Variants in MROH9 observed in about 807,000 individuals in gnomAD.
MROH9 encodes maestro heat-like repeat-containing protein family member 9.
Under a neutral mutation model 98.2 loss-of-function variants are expected in MROH9, and 92 were observed. The observed-to-expected ratio is 0.94, with a 90% CI of 0.79 to 1.11. The LOEUF (loss-of-function observed/expected upper bound fraction) is 1.11. Among genes scored for constraint, MROH9 ranks in the 50% most tolerant of loss-of-function variants. The probability of loss-of-function intolerance (pLI) is 0.00; values close to 1 mark genes in which losing one functional copy is unlikely to be tolerated. For synonymous variants in MROH9, 397 were observed against 368.9 expected (o/e 1.08, Z -0.87); for missense variants, 1,057 against 1,014.8 (o/e 1.04, Z -0.57).
chr1:170,951,751 C>T (rs1649560667), intron 3 of MROH9, among the ~76,000 whole-genome samples: 1 of 151,978 alleles, frequency 6.6e-6, no homozygotes, highest in Non-Finnish European at 1.5e-5. Context: ...TAGCACAGTC[C>T]CAGCTGCTAA....
chr1:170,991,649 C>T (rs908893694), intron 11 of MROH9, among the ~76,000 whole-genome samples: 2 of 152,144 alleles, frequency 1.3e-5, no homozygotes, highest in Non-Finnish European at 2.9e-5. Flanking sequence ...ATCTGTGTCA[C>T]TCATTGTGTG....
At chr1:170,940,170 A>G (rs1050703828) in intron 1 of MROH9, among the ~76,000 whole-genome samples, 3 of 152,200 alleles carry the variant, frequency 2.0e-5, no homozygotes, top group Non-Finnish European at 4.4e-5. Flanking sequence ...TTTAGGAGGT[A>G]CCAGATGCAA....
intron 7 of MROH9, among the ~76,000 whole-genome samples, chr1:170,966,524 A>G (rs544036105): frequency 3.3e-5 from 5 of 152,174 alleles, no homozygotes; most frequent in African/African-American, 1.2e-4. Context: ...ATCTTTATCC[A>G]TTTTCTACTG....
At chr1:170,971,242 G>A (rs1650445675) in intron 7 of MROH9, among the ~76,000 whole-genome samples, 1 of 152,124 alleles carries the variant, frequency 6.6e-6, no homozygotes, top group Admixed American at 6.6e-5. Flanking sequence ...CAAATGATCT[G>A]CATTTTAAAA....
intron 17 of MROH9, 67 bp downstream of exon 17, chr1:171,016,403 C>T: frequency 8.1e-7 from 1 of 1,234,992 alleles, no homozygotes; most frequent in Non-Finnish European, 1.1e-6. Context: ...CAAGTTGAGG[C>T]AGTGATGTTA....
chr1:171,000,381 T>C (rs1183956690), intron 15 of MROH9, among the ~76,000 whole-genome samples: 1 of 152,148 alleles, frequency 6.6e-6, no homozygotes, highest in South Asian at 2.1e-4. Flanking sequence ...GGGTTTTTCA[T>C]AGATGGCTTT....
intron 10 of MROH9, among the ~76,000 whole-genome samples, chr1:170,988,513 C>G: frequency 6.6e-6 from 1 of 152,248 alleles, no homozygotes; most frequent in Non-Finnish European, 1.5e-5. Flanking sequence ...AGAGACCAAA[C>G]AGAAAACTAG....
intron 1 of MROH9, among the ~76,000 whole-genome samples, chr1:170,937,364 A>G (rs1650485540): frequency 6.6e-6 from 1 of 152,180 alleles, no homozygotes; most frequent in African/African-American, 2.4e-5. Context: ...AAGTCATTGC[A>G]TTTTGTATTA....
chr1:171,005,569 C>T (rs1240283299), intron 15 of MROH9, among the ~76,000 whole-genome samples: 1 of 151,974 alleles, frequency 6.6e-6, no homozygotes, highest in Non-Finnish European at 1.5e-5. Context: ...TAATCTTTTT[C>T]ATATAGTTTA....
At chr1:170,966,061 C>A (rs1294482172) in intron 7 of MROH9, among the ~76,000 whole-genome samples, 1 of 151,910 alleles carries the variant, frequency 6.6e-6, no homozygotes, top group African/African-American at 2.4e-5. Flanking sequence ...CATCTTTGTG[C>A]AAGTACATGA....
intron 12 of MROH9, among the ~76,000 whole-genome samples, chr1:170,993,398 C>T (rs1651435505): frequency 6.6e-6 from 1 of 152,168 alleles, no homozygotes; most frequent in African/African-American, 2.4e-5. Context: ...ATTAAAGCCA[C>T]ATATGCCTTG....
At chr1:170,974,228 G>A (rs1650594435) in intron 8 of MROH9, among the ~76,000 whole-genome samples, 1 of 152,060 alleles carries the variant, frequency 6.6e-6, no homozygotes, top group African/African-American at 2.4e-5. Context: ...CTGAAAGTGA[G>A]AAAGTGAGGA....
chr1:170,992,121 A>G, intron 11 of MROH9, 43 bp from the exon 12 acceptor site: 2 of 1,541,112 alleles, frequency 1.3e-6, no homozygotes, highest in South Asian at 1.3e-5. Flanking sequence ...GTAGGACATG[A>G]CAAACATGAT....
At chr1:171,029,964 A>C (rs1652853311) in intron 20 of MROH9, among the ~76,000 whole-genome samples, 1 of 152,140 alleles carries the variant, frequency 6.6e-6, no homozygotes, top group African/African-American at 2.4e-5. Context: ...TTACTGCCTC[A>C]ATTTCAGAAC....
intron 2 of MROH9, among the ~76,000 whole-genome samples, chr1:170,946,639 T>C (rs1393845860): frequency 6.6e-6 from 1 of 151,982 alleles, no homozygotes; most frequent in Non-Finnish European, 1.5e-5. Flanking sequence ...TCTTTGCAAC[T>C]TTCCTATAGG....
At chr1:171,031,111 C>T (rs533794916) in intron 20 of MROH9, among the ~76,000 whole-genome samples, 21 of 152,108 alleles carry the variant, frequency 1.4e-4, no homozygotes, top group South Asian at 4.1e-4. Flanking sequence ...GCAACCCCTG[C>T]GGTTTTTTTG....
chr1:171,034,220 A>T (rs538154271), intron 20 of MROH9, among the ~76,000 whole-genome samples: 2 of 152,350 alleles, frequency 1.3e-5, no homozygotes, highest in African/African-American at 4.8e-5. Context: ...TATATCCAGC[A>T]CAATTTTATC....
At chr1:170,974,728 G>A (rs1315944613) in intron 8 of MROH9, among the ~76,000 whole-genome samples, 1 of 151,928 alleles carries the variant, frequency 6.6e-6, no homozygotes, top group African/African-American at 2.4e-5. Flanking sequence ...AAGGAATGAA[G>A]AGCACTGGAA....
rs77674957 is a variant in MROH9, at chr1:171,035,804, G to C, written c.2281+10384G>C. On this transcript the variant is annotated intron_variant, in intron 20 of 21. Coordinates refer to ENST00000367759, the MANE Select transcript of MROH9 (RefSeq NM_001163629.2). ...AAGGATATGGAGCAAACAGAACTCT[G>C]TTATATGCTGTTGGCGGAGAAAATT... is the stretch of plus-strand genomic sequence containing the variant. Among the ~76,000 whole-genome samples the C allele has an allele frequency of 6.9e-3, 1,052 of 152,292 alleles. 11 individuals are homozygous for C. The highest frequency in any genetic ancestry group is 0.024 in the African/African-American group (1,013 of 41,566).
Sources: allele counts gnomAD v4.1 joint callset (sites outside exome capture counted in the v4.1 genomes callset), GRCh38; gene constraint gnomAD v4.1.1; transcripts MANE v1.5; gene names NCBI Gene and HGNC (gene_info 2026-07-23, HGNC 2026-07-21).